CSGALNACT1: variants seen among roughly 807,000 people sequenced by gnomAD.
The protein encoded by CSGALNACT1 is chondroitin sulfate N-acetylgalactosaminyltransferase 1.
Under a neutral mutation model 51.0 loss-of-function variants are expected in CSGALNACT1, and 52 were observed. The observed-to-expected ratio is 1.02, with a 90% confidence interval of 0.82 to 1.29. The LOEUF (loss-of-function observed/expected upper bound fraction) is 1.29, where lower values mean the gene tolerates loss of function less well. CSGALNACT1 is among the 50% of genes most tolerant of loss of function. CSGALNACT1 has a pLI of 0.00. For synonymous variants in CSGALNACT1, 341 were observed against 254.4 expected, an observed-to-expected ratio of 1.34 and a Z score of -3.24; for missense variants, 935 against 679.2, an observed-to-expected ratio of 1.38 and a Z score of -4.19.
chr8:19,722,257 A>G (rs1394504818), intron 1 of CSGALNACT1, among the ~76,000 whole-genome samples: 1 of 152,210 alleles, frequency 6.6e-6, no homozygotes, highest in Non-Finnish European at 1.5e-5. Context: ...AAATGTACAC[A>G]GTATAGTGTA....
At chr8:19,662,085 C>CG (rs1564372980) in intron 1 of CSGALNACT1, among the ~76,000 whole-genome samples, 1 of 110,234 alleles carries the variant, frequency 9.1e-6, no homozygotes, top group African/African-American at 3.2e-5. Context: ...CCCCCCCCCC[C>CG]CCCCGCATCT....
intron 6 of CSGALNACT1, among the ~76,000 whole-genome samples, chr8:19,435,729 GA>G (rs1207813860): frequency 4.6e-5 from 7 of 152,108 alleles, no homozygotes; most frequent in African/African-American, 1.7e-4. Context: ...AAGAACCAGT[GA>G]GCTCATCTGA....
intron 8 of CSGALNACT1, among the ~76,000 whole-genome samples, chr8:19,410,483 A>G (rs944357180): frequency 3.9e-5 from 6 of 152,192 alleles, no homozygotes; most frequent in African/African-American, 1.4e-4. Context: ...AATGGAGTCA[A>G]AGAGAAGTGC....
rs887157092 is a variant in CSGALNACT1, at chr8:19,601,866, C to A, written c.-510-1G>T. On this transcript the variant is annotated splice_acceptor_variant, in intron 1 of 9. Coordinates refer to ENST00000454498, the Ensembl canonical transcript of CSGALNACT1. LOFTEE classifies it low-confidence loss of function (5UTR_SPLICE). Reference sequence around the variant, plus strand: ...GTCTTTCCTTGAAATAGGAAGGCAGCTAAAATAAAATAAAAACAAAAGGCA... The same window carrying A: ...GTCTTTCCTTGAAATAGGAAGGCAGATAAAATAAAATAAAAACAAAAGGCA... 1 of 453,728 alleles carries A rather than the reference C, an allele frequency of 2.2e-6. No individual in the cohort carries two copies. Among genetic ancestry groups the A allele is most frequent in the Non-Finnish European group, 4.4e-6 (1 of 226,702 alleles). The allele number at this position is 453,728 out of a possible 1,614,324, so 28.1% of individuals were successfully genotyped here. A position where few individuals can be genotyped will look rare whatever the true frequency, so the allele number is the denominator to read the frequency against.
intron 3 of CSGALNACT1, among the ~76,000 whole-genome samples, chr8:19,534,423 C>G (rs1249898570): frequency 3.3e-5 from 5 of 152,032 alleles, no homozygotes; most frequent in Non-Finnish European, 7.4e-5. Flanking sequence ...TGCACTCTAG[C>G]CTGAGTGACA....
At chr8:19,634,062 G>C (rs924563756) in intron 1 of CSGALNACT1, among the ~76,000 whole-genome samples, 1 of 152,168 alleles carries the variant, frequency 6.6e-6, no homozygotes, top group African/African-American at 2.4e-5. Context: ...TTGGGAGTTT[G>C]TTTGGTTTAA....
At chr8:19,572,224 C>A (rs529147247) in intron 3 of CSGALNACT1, among the ~76,000 whole-genome samples, 22 of 152,332 alleles carry the variant, frequency 1.4e-4, no homozygotes, top group African/African-American at 5.3e-4. Flanking sequence ...AGAGCCACTT[C>A]TCCAGAAGAT....
intron 1 of CSGALNACT1, among the ~76,000 whole-genome samples, chr8:19,662,243 C>T (rs184387935): frequency 4.3e-4 from 66 of 151,964 alleles, no homozygotes; most frequent in Admixed American, 9.2e-4. Context: ...ACTAGCCAGG[C>T]GTGGTAGTGT....
chr8:19,510,816 G>C (rs1170487783), intron 3 of CSGALNACT1, among the ~76,000 whole-genome samples: 1 of 152,218 alleles, frequency 6.6e-6, no homozygotes, highest in Non-Finnish European at 1.5e-5. Flanking sequence ...TACAGATACT[G>C]TTTACCATTT....
chr8:19,558,903 A>C (rs2040079210), intron 3 of CSGALNACT1, among the ~76,000 whole-genome samples: 1 of 152,162 alleles, frequency 6.6e-6, no homozygotes, highest in Admixed American at 6.6e-5. Context: ...TATATAAAGG[A>C]ATTTTTCTCA....
chr8:19,474,554 T>A (rs1347471683), intron 4 of CSGALNACT1, among the ~76,000 whole-genome samples: 1 of 151,992 alleles, frequency 6.6e-6, no homozygotes, highest in East Asian at 1.9e-4. Context: ...CAATAACTTA[T>A]TCACTCAAGG....
chr8:19,636,968 T>C (rs555947777), intron 1 of CSGALNACT1, among the ~76,000 whole-genome samples: 7 of 151,820 alleles, frequency 4.6e-5, no homozygotes, highest in Middle Eastern at 6.8e-3. Flanking sequence ...GGAAGGCAGA[T>C]CACCTGAGGT....
chr8:19,677,744 T>C (rs2060300509), intron 1 of CSGALNACT1, among the ~76,000 whole-genome samples: 1 of 152,104 alleles, frequency 6.6e-6, no homozygotes, highest in South Asian at 2.1e-4. Context: ...AAAGGTGAGA[T>C]GTTGAAGGTT....
chr8:19,487,358 T>C (rs1432280692), intron 4 of CSGALNACT1, among the ~76,000 whole-genome samples: 2 of 152,144 alleles, frequency 1.3e-5, no homozygotes, highest in African/African-American at 2.4e-5. Flanking sequence ...TGTTCATGCT[T>C]AGTCAAACCA....
At position 19,750,878 on chromosome 8, in the gene CSGALNACT1, G is replaced by A. The variant is rs573744706; in HGVS notation, c.-297+6972C>T. On this transcript the variant is annotated intron_variant, in intron 1 of 1. Coordinates refer to the CSGALNACT1 transcript ENST00000517494. ...ACACTCGATCTTATTCATACTTTCT[G>A]CTTGTAACATGCCTGCCAAACACCT... is the stretch of plus-strand genomic sequence containing the variant. Among the ~76,000 whole-genome samples, 4 of 152,206 alleles carry A rather than the reference G, an allele frequency of 2.6e-5. No homozygotes were observed. The East Asian group carries it at 7.8e-4, about 30-fold the overall frequency.
intron 4 of CSGALNACT1, among the ~76,000 whole-genome samples, chr8:19,464,629 T>C (rs139375327): frequency 6.6e-6 from 1 of 152,278 alleles, no homozygotes; most frequent in East Asian, 1.9e-4. Flanking sequence ...TGAGCATGAC[T>C]GCCTGAGCTC....
chr8:19,411,315 T>C (rs1048293595), intron 8 of CSGALNACT1, among the ~76,000 whole-genome samples: 2 of 152,248 alleles, frequency 1.3e-5, no homozygotes, highest in African/African-American at 2.4e-5. Context: ...CATCTGCTTC[T>C]CTGTTTGCTG....
intron 4 of CSGALNACT1, among the ~76,000 whole-genome samples, chr8:19,487,958 A>G (rs2073383341): frequency 6.6e-6 from 1 of 151,896 alleles, no homozygotes; most frequent in Non-Finnish European, 1.5e-5. Flanking sequence ...AATTCTTCAT[A>G]TAATACACCT....
chr8:19,571,871 G>A (rs868078847), intron 3 of CSGALNACT1, among the ~76,000 whole-genome samples: 53 of 152,184 alleles, frequency 3.5e-4, no homozygotes, highest in African/African-American at 1.2e-3. Flanking sequence ...TTTCCTAAAA[G>A]AAGTTACTGT....
Sources: gnomAD v4.1 joint callset for allele counts (sites outside exome capture counted in the v4.1 genomes callset) on GRCh38, gnomAD v4.1.1 for gene constraint, MANE v1.5 for transcripts, NCBI Gene and HGNC (gene_info 2026-07-23, HGNC 2026-07-21) for gene names.